Variants in CSMD1 observed in about 807,000 individuals in gnomAD.
CSMD1 encodes the protein CUB and Sushi multiple domains 1.
In CSMD1, 213 loss-of-function variants were observed where a neutral mutation model predicts 417.5. That is an observed-to-expected ratio of 0.51 (90% CI 0.46 to 0.57). The LOEUF (loss-of-function observed/expected upper bound fraction) is 0.57, where lower values mean the gene tolerates loss of function less well. Ranked by LOEUF, CSMD1 falls within the 20% of genes least tolerant of loss-of-function variation. The pLI, the probability that CSMD1 is intolerant of heterozygous loss-of-function variation, is 0.00. For missense variants in CSMD1, 6,923 were observed against 4,529.7 expected (o/e 1.53, Z -15.17); for synonymous variants, 2,862 against 1,736.8 (o/e 1.65, Z -16.11).
chr8:4,268,705 T>C (rs1804379227), intron 3 of CSMD1, among the ~76,000 whole-genome samples: 2 of 152,216 alleles, frequency 1.3e-5, no homozygotes, highest in African/African-American at 4.8e-5. Flanking sequence ...TCAATTTTTT[T>C]TGAAGTAACA....
In CSMD1 at chr8:3,869,590, A is replaced by G. The variant is rs540785935; in HGVS notation, c.819-115548T>C. ...GTAGATATAAACCTATCTATCAGAT[A>G]TAAATAGTGAGAGAAAACATGCACT... On this transcript the variant is annotated intron_variant, in intron 5 of 69. Transcript: ENST00000635120. Among the ~76,000 whole-genome samples the G allele has an allele frequency of 3.2e-4, 48 of 152,302 alleles. No individual in the cohort carries two copies. In the East Asian group the frequency reaches 8.1e-3, roughly 26 times the overall value.
intron 5 of CSMD1, among the ~76,000 whole-genome samples, chr8:3,970,550 T>C (rs1256288421): frequency 6.6e-6 from 1 of 152,132 alleles, no homozygotes; most frequent in African/African-American, 2.4e-5. Flanking sequence ...AAGCCAGATC[T>C]TAGTGATTTG....
At chr8:3,732,573 G>T (rs979621056) in intron 6 of CSMD1, among the ~76,000 whole-genome samples, 1 of 152,174 alleles carries the variant, frequency 6.6e-6, no homozygotes, top group African/African-American at 2.4e-5. Flanking sequence ...CTGACTTTAT[G>T]CCCAGGCAAC....
At chr8:3,002,176 T>TGTGG (rs1807460940) in intron 52 of CSMD1, among the ~76,000 whole-genome samples, 5 of 152,212 alleles carry the variant, frequency 3.3e-5, no homozygotes, top group Admixed American at 3.3e-4. Context: ...TGAGACTTGA[T>TGTGG]ACAAGCGGAG....
chr8:3,517,150 C>T (rs1330520813), intron 10 of CSMD1, among the ~76,000 whole-genome samples: 1 of 152,166 alleles, frequency 6.6e-6, no homozygotes, highest in Non-Finnish European at 1.5e-5. Context: ...CAGTGTGCTC[C>T]TCATGCTCAT....
chr8:3,111,707 C>T (rs1816528546), intron 42 of CSMD1, among the ~76,000 whole-genome samples: 1 of 152,074 alleles, frequency 6.6e-6, no homozygotes, highest in African/African-American at 2.4e-5. Flanking sequence ...TGGTGCACGC[C>T]TGTAATCCCA....
At chr8:4,239,652 G>A (rs755375167) in intron 3 of CSMD1, among the ~76,000 whole-genome samples, 5 of 152,120 alleles carry the variant, frequency 3.3e-5, no homozygotes, top group Non-Finnish European at 7.3e-5. Flanking sequence ...CCATGCTCGG[G>A]GTCACAGAGC....
intron 2 of CSMD1, among the ~76,000 whole-genome samples, chr8:4,542,503 T>A (rs962284810): frequency 6.6e-6 from 1 of 152,206 alleles, no homozygotes; most frequent in Non-Finnish European, 1.5e-5. Context: ...AAAAGCACAA[T>A]TATTGAAGCC....
At chr8:3,961,278 A>G (rs1812302580) in intron 5 of CSMD1, among the ~76,000 whole-genome samples, 1 of 152,188 alleles carries the variant, frequency 6.6e-6, no homozygotes. Flanking sequence ...CATAAAAGTT[A>G]TATAAGCATA....
chr8:4,235,129 A>G (rs1411495207), intron 3 of CSMD1, among the ~76,000 whole-genome samples: 2 of 152,116 alleles, frequency 1.3e-5, no homozygotes, highest in African/African-American at 2.4e-5. Flanking sequence ...ATCCTAGAAA[A>G]AAGACTTCCT....
chr8:4,021,179 A>T (rs748429080), intron 4 of CSMD1, among the ~76,000 whole-genome samples: 1 of 152,246 alleles, frequency 6.6e-6, no homozygotes, highest in Non-Finnish European at 1.5e-5. Flanking sequence ...GCTAGTCAGC[A>T]TTGCAAAATG....
At chr8:4,359,921 C>T (rs535377697) in intron 3 of CSMD1, among the ~76,000 whole-genome samples, 5 of 152,304 alleles carry the variant, frequency 3.3e-5, no homozygotes, top group African/African-American at 1.2e-4. Flanking sequence ...AAAACATCAA[C>T]GTTCAGTGAA....
intron 4 of CSMD1, among the ~76,000 whole-genome samples, chr8:4,009,223 G>A (rs1383351441): frequency 2.0e-5 from 3 of 152,124 alleles, no homozygotes; most frequent in African/African-American, 7.2e-5. Flanking sequence ...GTGCAAATCA[G>A]AATGAACTGA....
At position 2,942,148 on chromosome 8, in the gene CSMD1, G is replaced by A. The variant is rs371086778; in HGVS notation, c.10535+324C>T. 2.4e-4 allele frequency among the ~76,000 whole-genome samples: 36 copies of A among 152,050 alleles called. 1 individual carries two copies. In the South Asian group the frequency reaches 7.1e-3, roughly 30 times the overall value. On this transcript the variant is annotated intron_variant, in intron 69 of 69. Transcript: ENST00000635120. ...CGATGAGAACACATGGACACATTGA[G>A]GGGACAACACACACTGGGGCCTGTG...
intron 5 of CSMD1, among the ~76,000 whole-genome samples, chr8:3,920,093 G>C (rs962120398): frequency 2.6e-5 from 4 of 151,932 alleles, no homozygotes; most frequent in African/African-American, 9.7e-5. Flanking sequence ...GACTGCAGTG[G>C]TGCAATCATA....
chr8:3,485,988 A>T (rs960188135), intron 11 of CSMD1, among the ~76,000 whole-genome samples: 23 of 152,056 alleles, frequency 1.5e-4, no homozygotes, highest in Non-Finnish European at 2.4e-4. Flanking sequence ...ATGAGCGATT[A>T]GGCAGCATTT....
intron 2 of CSMD1, among the ~76,000 whole-genome samples, chr8:4,438,451 C>T (rs1002007337): frequency 6.6e-6 from 1 of 152,208 alleles, no homozygotes; most frequent in African/African-American, 2.4e-5. Flanking sequence ...TGAATGTTAA[C>T]TGGGACATGT....
intron 7 of CSMD1, among the ~76,000 whole-genome samples, chr8:3,703,217 A>C (rs1187625760): frequency 7.2e-5 from 11 of 152,178 alleles, no homozygotes; most frequent in Admixed American, 5.9e-4. Context: ...GAAGAGTTGA[A>C]ATATCTCTAA....
chr8:4,902,435 A>T (rs903302990), intron 1 of CSMD1, among the ~76,000 whole-genome samples: 1 of 48,978 alleles, frequency 2.0e-5, no homozygotes, highest in African/African-American at 3.9e-5. Context: ...TAAAGAGGAG[A>T]AAAAAAAAAA....
Sources: gnomAD v4.1 joint callset for allele counts (sites outside exome capture counted in the v4.1 genomes callset) on GRCh38, gnomAD v4.1.1 for gene constraint, MANE v1.5 for transcripts, NCBI Gene and HGNC (gene_info 2026-07-23, HGNC 2026-07-21) for gene names.